The following MAP3K4 variants were observed in gnomAD, a reference collection of about 807,000 sequenced individuals.
MAP3K4 encodes MAP three kinase 1.
Under a neutral mutation model 185.6 loss-of-function variants are expected in MAP3K4, and 67 were observed. The observed-to-expected ratio is 0.36, with a 90% CI of 0.30 to 0.44. The LOEUF (loss-of-function observed/expected upper bound fraction) is 0.44, where lower values mean the gene tolerates loss of function less well. MAP3K4 is among the 20% of genes least tolerant of loss of function. The probability of loss-of-function intolerance (pLI) is 1.00; values close to 1 mark genes in which losing one functional copy is unlikely to be tolerated. For missense variants in MAP3K4, 1,551 were observed against 1,995.1 expected (o/e 0.78, Z 4.24); for synonymous variants, 702 against 710.4 (o/e 0.99, Z 0.19).
intron 5 of MAP3K4, among the ~76,000 whole-genome samples, chr6:161,078,155 A>G (rs568240084): frequency 6.6e-6 from 1 of 152,238 alleles, no homozygotes; most frequent in African/African-American, 2.4e-5. Flanking sequence ...GAAAATGGGG[A>G]AGTTTCAAAC....
rs772886263 is a variant in MAP3K4 at position 161,093,095 on chromosome 6, G to A, written c.3348+39G>A. On this transcript the variant is annotated intron_variant, in intron 14 of 26. Transcript: ENST00000392142. This position sits in a 1 kb window ranked among gnomAD's most constrained non-coding sequence, Gnocchi z 5.2. Reference sequence around the variant, plus strand: ...TAAAGTTTTTTTCATTATAAAATAAGCCAGTCACTCCTTATTTTCTGGTTG... The same window carrying A: ...TAAAGTTTTTTTCATTATAAAATAAACCAGTCACTCCTTATTTTCTGGTTG... 1.1e-5 allele frequency: 15 copies of A among 1,353,804 alleles called. No homozygotes were observed. Among genetic ancestry groups the A allele is most frequent in the South Asian group, 1.1e-4 (9 of 81,576 alleles). The allele number at this position is 1,353,804 out of a possible 1,614,324, so 83.9% of individuals were successfully genotyped here. A position where few individuals can be genotyped will look rare whatever the true frequency, so the allele number is the denominator to read the frequency against.
chr6:161,048,891 G>C lies in MAP3K4; in HGVS notation c.619G>C (p.Ala207Pro). ...TCCAGTATCTGTGCCCATGCCTATA[G>C]CCAGACCTGCACGCCAGACTTCTAG... ...KLPVSVPMPI[A>P]RPARQTSRTD... Residue 207 changes from alanine to proline, a missense_variant, in exon 3 of 27, where the codon GCC becomes CCC. Physicochemically the swap from Ala to Pro is conservative, Grantham distance 27 (BLOSUM62 -1). Transcript: ENST00000392142. The surrounding 1 kb of genome is among the most constrained non-coding windows in gnomAD (Gnocchi z 4.7). The C allele has an allele frequency of 6.2e-7, 1 of 1,614,174 alleles. No homozygotes were observed. The highest frequency in any genetic ancestry group is 1.1e-5 in the South Asian group (1 of 91,088).
Position 161,048,989 on chromosome 6 carries a change from A to G in MAP3K4, c.717A>G (p.Ser239=). 1.2e-6 allele frequency: 2 copies of G among 1,614,096 alleles called. No individual in the cohort carries two copies. The highest frequency in any genetic ancestry group is 1.6e-4 in the Middle Eastern group (1 of 6,062). The change falls in exon 3 of 27, where the codon TCA becomes TCG. Residue 239 remains serine (S), a synonymous_variant. Coordinates refer to ENST00000392142, the MANE Select transcript of MAP3K4 (RefSeq NM_005922.4). This position sits in a 1 kb window ranked among gnomAD's most constrained non-coding sequence, Gnocchi z 4.7. ...LRLLLKLTSV[S]KKKDREQRGQ... ...TTTTGCTAAAGCTTACCTCAGTCTC[A>G]AAGAAAAAAGACAGGGAGCAAAGAG...
Position 161,091,984 on chromosome 6 carries a change from T to C in MAP3K4, c.3136-26T>C, listed in dbSNP as rs752167406. The C allele has an allele frequency of 3.8e-6, 6 of 1,585,642 alleles. No individual in the cohort carries two copies. Among genetic ancestry groups the C allele is most frequent in the Non-Finnish European group, 5.2e-6 (6 of 1,154,686 alleles). ...TTATTTAATGATCATTTCCTTAATG[T>C]TGATATACATGAAATCTTCTTACAG... On this transcript the variant is annotated intron_variant, in intron 12 of 26. Coordinates refer to ENST00000392142, the MANE Select transcript of MAP3K4 (RefSeq NM_005922.4). This position sits in a 1 kb window ranked among gnomAD's most constrained non-coding sequence, Gnocchi z 5.5.
chr6:160,995,176 A>C lies in MAP3K4; in HGVS notation c.152+3093A>C, dbSNP rs141189447. 2.8e-3 allele frequency among the ~76,000 whole-genome samples: 425 copies of C among 152,100 alleles called. 2 individuals carry two copies. Among genetic ancestry groups the C allele is most frequent in the Non-Finnish European group, 4.3e-3 (295 of 68,006 alleles). ...TAAGGTGGTATCTCATTGTGGTTTT[A>C]ATTTGCATTTCCCTGATAATTAGTG... On this transcript the variant is annotated intron_variant, in intron 1 of 26. Coordinates refer to ENST00000392142, the MANE Select transcript of MAP3K4 (RefSeq NM_005922.4).
chr6:161,025,780 A>G (rs559404905), intron 1 of MAP3K4, among the ~76,000 whole-genome samples: 2 of 152,336 alleles, frequency 1.3e-5, no homozygotes, highest in South Asian at 2.1e-4. Flanking sequence ...TTAACCTTTA[A>G]TTAAAGTTTT....
Position 161,098,396 on chromosome 6 carries a change from C to A in MAP3K4, c.3643C>A (p.Pro1215Thr). Residue 1215 changes from proline (P) to threonine (T), a missense_variant, in exon 17 of 27, where the codon CCC becomes ACC. By Grantham distance (38) the Pro-to-Thr change is conservative (BLOSUM62 -1). This residue lies in a region of MAP3K4 where 272 missense variants were observed against 301.2 expected (regional missense o/e 0.90). Transcript: ENST00000392142. The surrounding 1 kb of genome is among the most constrained non-coding windows in gnomAD (Gnocchi z 4.4). ...CCCCTCTGGTGGTGACTCTGTGCTGCCCAAATCCATCAGCAGTGCCCATGA... is the reference window on the plus strand; with the variant it reads ...CCCCTCTGGTGGTGACTCTGTGCTGACCAAATCCATCAGCAGTGCCCATGA... ...PSPSGGDSVL[P>T]KSISSAHDTR... 1 of 1,613,872 alleles carries A rather than the reference C, an allele frequency of 6.2e-7. No homozygotes were observed. Among genetic ancestry groups the A allele is most frequent in the Non-Finnish European group, 8.5e-7 (1 of 1,180,010 alleles).
chr6:161,012,898 A>G (rs1229026606), intron 1 of MAP3K4, among the ~76,000 whole-genome samples: 1 of 152,208 alleles, frequency 6.6e-6, no homozygotes, highest in Non-Finnish European at 1.5e-5. Context: ...ACATCATTTA[A>G]AAATGGTCCC....
In MAP3K4 at chr6:161,116,047, T is replaced by C. The variant is rs1778579285; in HGVS notation, c.4806+745T>C. On this transcript the variant is annotated intron_variant, in intron 26 of 26. Coordinates refer to ENST00000392142, the MANE Select transcript of MAP3K4 (RefSeq NM_005922.4). This position sits in a 1 kb window ranked among gnomAD's most constrained non-coding sequence, Gnocchi z 6.2. ...GTTGGGAGAGGGCGTTCCGGGTGAG[T>C]GAACAGCGGCATTTAAGAGTTAGAG... 6.6e-6 allele frequency among the ~76,000 whole-genome samples: 1 copy of C among 151,988 alleles called. No individual in the cohort carries two copies.
In MAP3K4 at chr6:161,077,541, G is replaced by A. The variant is rs748594319; in HGVS notation, c.2098-3340G>A. Among the ~76,000 whole-genome samples, 1 of 152,206 alleles carries A rather than the reference G, an allele frequency of 6.6e-6. No individual in the cohort carries two copies. Among genetic ancestry groups the A allele is most frequent in the Non-Finnish European group, 1.5e-5 (1 of 68,020 alleles). On this transcript the variant is annotated intron_variant, in intron 5 of 26. Coordinates refer to ENST00000392142, the MANE Select transcript of MAP3K4 (RefSeq NM_005922.4). The surrounding 1 kb of genome is among the most constrained non-coding windows in gnomAD (Gnocchi z 4.3). ...CCGCAGGCAGCCTGTGGGGGCTCCA[G>A]CTGCAGGTGGAGAGTAGGCTGGGGG...
At position 161,086,328 on chromosome 6, in the gene MAP3K4, C is replaced by A. The variant is rs774640993; in HGVS notation, c.2373-51C>A. On this transcript the variant is annotated intron_variant, in intron 7 of 26. Coordinates refer to ENST00000392142, the MANE Select transcript of MAP3K4 (RefSeq NM_005922.4). This position sits in a 1 kb window ranked among gnomAD's most constrained non-coding sequence, Gnocchi z 4.8. ...CTTTATTGTTAAATCCCTCTTGCAC[C>A]TCTGGAATATTCCCTAATGTGTTCT... 32 of 1,074,652 alleles carry A rather than the reference C, an allele frequency of 3.0e-5. No homozygotes were observed. The East Asian group carries it at 7.0e-4, about 23-fold the overall frequency. The allele number at this position is 1,074,652 out of a possible 1,614,324, so 66.6% of individuals were successfully genotyped here.
chr6:161,045,260 G>A (rs544388529), intron 2 of MAP3K4, among the ~76,000 whole-genome samples: 383 of 152,188 alleles, frequency 2.5e-3, no homozygotes, highest in African/African-American at 8.9e-3. Flanking sequence ...GTCCCATCTT[G>A]CTCCTTTCCC....
intron 1 of MAP3K4, among the ~76,000 whole-genome samples, chr6:160,997,212 A>G (rs1230990442): frequency 6.6e-6 from 1 of 152,056 alleles, no homozygotes; most frequent in Non-Finnish European, 1.5e-5. Context: ...GGATCACCTT[A>G]TTGTCTCCAT....
At position 161,088,206 on chromosome 6, in the gene MAP3K4, G is replaced by A. The variant is rs1346255174; in HGVS notation, c.2823+252G>A. 6.6e-6 allele frequency among the ~76,000 whole-genome samples: 1 copy of A among 152,032 alleles called. No individual in the cohort carries two copies. The highest frequency in any genetic ancestry group is 1.5e-5 in the Non-Finnish European group (1 of 68,008). ...CTGGTTTATATCTTTTCTTAGTTCA[G>A]TCATGTAGTTAGATCTGTGGAGCTA... On this transcript the variant is annotated intron_variant, in intron 10 of 26. Transcript: ENST00000392142. The surrounding 1 kb of genome is among the most constrained non-coding windows in gnomAD (Gnocchi z 4.5).
intron 1 of MAP3K4, among the ~76,000 whole-genome samples, chr6:161,032,873 T>C (rs538413628): frequency 8.0e-4 from 121 of 150,870 alleles, no homozygotes; most frequent in African/African-American, 2.9e-3. Context: ...GCATGTCTTG[T>C]GTGTACACAT....
intron 1 of MAP3K4, among the ~76,000 whole-genome samples, chr6:161,020,450 G>A (rs1782327620): frequency 6.6e-6 from 1 of 152,084 alleles, no homozygotes; most frequent in Non-Finnish European, 1.5e-5. Flanking sequence ...ACAAGGTTAG[G>A]AGATTGAGAC....
chr6:161,092,974 C>T lies in MAP3K4; in HGVS notation c.3270-4C>T, dbSNP rs1304425795. ...TGTGATTACTGAACTTTTTCGTGTA[C>T]CAGGTGGGCGACTCAAGGATTTGAT... On this transcript the variant is annotated splice_region_variant and splice_polypyrimidine_tract_variant and intron_variant, in intron 13 of 26. Coordinates refer to ENST00000392142, the MANE Select transcript of MAP3K4 (RefSeq NM_005922.4). The T allele has an allele frequency of 6.2e-7, 1 of 1,607,234 alleles. No individual in the cohort carries two copies. The highest frequency in any genetic ancestry group is 2.2e-5 in the East Asian group (1 of 44,786).
At chr6:161,057,578 A>G (rs1187344769) in intron 3 of MAP3K4, among the ~76,000 whole-genome samples, 12 of 152,212 alleles carry the variant, frequency 7.9e-5, no homozygotes, top group African/African-American at 2.4e-5. Flanking sequence ...AGTGGGGGAC[A>G]CGAGCACTGA....
At chr6:160,992,602 A>G (rs1315373407) in intron 1 of MAP3K4, among the ~76,000 whole-genome samples, 2 of 152,146 alleles carry the variant, frequency 1.3e-5, no homozygotes, top group Non-Finnish European at 2.9e-5. Flanking sequence ...AATTGCACTT[A>G]GACTATGCAG....
Sources: gnomAD v4.1 joint callset for allele counts (sites outside exome capture counted in the v4.1 genomes callset) on GRCh38, gnomAD v4.1.1 for gene constraint, gnomAD v4.1.1 regional missense constraint, Gnocchi (gnomAD v3.1) non-coding constraint, MANE v1.5 for transcripts, NCBI Gene and HGNC (gene_info 2026-07-23, HGNC 2026-07-21) for gene names.